NBAS: variants seen among roughly 807,000 people sequenced by gnomAD.
NBAS encodes the protein NAG/BC035112 fusion.
In NBAS, 219 loss-of-function variants were observed where a neutral mutation model predicts 302.5. The observed-to-expected ratio is 0.72, with a 90% CI of 0.65 to 0.81. The LOEUF is 0.81. Ranked by LOEUF, NBAS falls within the 30% of genes least tolerant of loss-of-function variation. The pLI is 0.00. For synonymous variants in NBAS, 1,118 were observed against 1,021.6 expected (o/e 1.09, Z -1.80); for missense variants, 2,932 against 2,841.6 (o/e 1.03, Z -0.72).
chr2:15,553,129 A>G (rs537502926), intron 5 of NBAS, among the ~76,000 whole-genome samples: 12 of 152,288 alleles, frequency 7.9e-5, no homozygotes, highest in African/African-American at 2.9e-4. Context: ...ATAGCAGTAA[A>G]TAGTCACACA....
the NBAS span, among the ~76,000 whole-genome samples, chr2:14,800,912 A>T: frequency 6.6e-6 from 1 of 150,880 alleles, no homozygotes; most frequent in African/African-American, 2.4e-5. Flanking sequence ...ATTACCTTTA[A>T]TATTTCTCAT....
the NBAS span, among the ~76,000 whole-genome samples, chr2:14,947,092 C>T: frequency 2.6e-5 from 4 of 152,162 alleles, no homozygotes; most frequent in South Asian, 8.3e-4. Flanking sequence ...AACAGCCTAA[C>T]AGTACACCTC....
chr2:15,007,418 T>A, the NBAS span, among the ~76,000 whole-genome samples: 1 of 152,238 alleles, frequency 6.6e-6, no homozygotes, highest in Admixed American at 6.5e-5. Flanking sequence ...TTCAAGCATA[T>A]CTTAGAATTT....
At chr2:15,544,959 C>T (rs1664031967) in intron 6 of NBAS, among the ~76,000 whole-genome samples, 1 of 151,652 alleles carries the variant, frequency 6.6e-6, no homozygotes, top group Admixed American at 6.6e-5. Context: ...CGCAGTGAGC[C>T]AAGATCGTGT....
chr2:15,329,766 T>C (rs978921456), intron 36 of NBAS, among the ~76,000 whole-genome samples: 2 of 152,162 alleles, frequency 1.3e-5, no homozygotes, highest in Non-Finnish European at 1.5e-5. Context: ...TTGTTCTCCT[T>C]GGTTCAATCA....
chr2:15,394,981 G>A (rs1209163136), intron 27 of NBAS, among the ~76,000 whole-genome samples: 1 of 151,990 alleles, frequency 6.6e-6, no homozygotes, highest in Non-Finnish European at 1.5e-5. Flanking sequence ...ATCGAATCCA[G>A]TAACTCTTCA....
At position 15,223,091 on chromosome 2, in the gene NBAS, T is replaced by C. The variant is rs369360554; in HGVS notation, c.6237-4123A>G. On this transcript the variant is annotated intron_variant, in intron 47 of 51. Transcript: ENST00000281513. ...GGTGCTCAAGAAAACGACACAGAAA[T>C]GAAAGGCAGCTCTTTAGAAAAAGCT... 5.3e-5 allele frequency among the ~76,000 whole-genome samples: 8 copies of C among 152,228 alleles called. No homozygotes were observed. In the South Asian group the frequency reaches 1.2e-3, roughly 24 times the overall value.
the NBAS span, among the ~76,000 whole-genome samples, chr2:14,857,414 A>G: frequency 6.6e-6 from 1 of 152,158 alleles, no homozygotes; most frequent in Non-Finnish European, 1.5e-5. Context: ...ATATTACTTG[A>G]CTTTAAATTA....
chr2:15,022,079 T>C, the NBAS span, among the ~76,000 whole-genome samples: 1 of 152,266 alleles, frequency 6.6e-6, no homozygotes, highest in Non-Finnish European at 1.5e-5. Flanking sequence ...TGAGCCACCA[T>C]GCAGTGGCCT....
At chr2:15,019,555 AGGGACCCTGT>A in the NBAS span, among the ~76,000 whole-genome samples, 1 of 152,158 alleles carries the variant, frequency 6.6e-6, no homozygotes, top group African/African-American at 2.4e-5. Context: ...ATGTGGTCTG[AGGGACCCTGT>A]GTCAGGCAAA....
chr2:14,895,682 G>T, the NBAS span, among the ~76,000 whole-genome samples: 6 of 150,998 alleles, frequency 4.0e-5, no homozygotes, highest in Admixed American at 4.0e-4. Flanking sequence ...GGAGCTTGCA[G>T]TGAGCTGAGA....
At chr2:15,199,859 C>CT (rs1306377987) in intron 48 of NBAS, among the ~76,000 whole-genome samples, 1 of 150,514 alleles carries the variant, frequency 6.6e-6, no homozygotes, top group Non-Finnish European at 1.5e-5. Flanking sequence ...ACATTATCAA[C>CT]CACATAATGT....
In NBAS at chr2:15,379,563, T is replaced by A. The variant is rs114655023; in HGVS notation, c.3590+39A>T. 1,464 of 1,578,870 alleles carry A rather than the reference T, an allele frequency of 9.3e-4. 13 individuals are homozygous for A. The African/African-American group carries it at 0.013, about 14-fold the overall frequency. ...CAATGCAGTTTGTACATTCTGACTT[T>A]CCCCCTCCATCTTAGGGAAGAATAT... On this transcript the variant is annotated intron_variant, in intron 30 of 51. Transcript: ENST00000281513.
chr2:15,456,460 T>G (rs76742693), intron 21 of NBAS, among the ~76,000 whole-genome samples: 2,031 of 152,328 alleles, frequency 0.013, 35 homozygotes, highest in East Asian at 0.06. Flanking sequence ...CCTAAGTCAC[T>G]CATTCTTTCA....
At chr2:14,783,477 C>CTCCCCCT in the NBAS span, among the ~76,000 whole-genome samples, 1 of 124,442 alleles carries the variant, frequency 8.0e-6, no homozygotes, top group Non-Finnish European at 1.7e-5. Flanking sequence ...CCCCTCCCCC[C>CTCCCCCT]ACCCCGCAAC....
At chr2:15,194,819 C>T (rs1003618162) in intron 48 of NBAS, among the ~76,000 whole-genome samples, 3 of 152,110 alleles carry the variant, frequency 2.0e-5, no homozygotes, top group Non-Finnish European at 1.5e-5. Context: ...ATATCCACTC[C>T]TACCACTCTT....
At chr2:15,443,170 T>C (rs1015827031) in intron 21 of NBAS, among the ~76,000 whole-genome samples, 3 of 152,134 alleles carry the variant, frequency 2.0e-5, no homozygotes, top group African/African-American at 7.2e-5. Flanking sequence ...AGCATCATCC[T>C]GATAGCAAAG....
chr2:15,121,348 G>A, the NBAS span, among the ~76,000 whole-genome samples: 1 of 152,174 alleles, frequency 6.6e-6, no homozygotes, highest in Non-Finnish European at 1.5e-5. Flanking sequence ...TGGGACTTCA[G>A]GGAACAACCC....
chr2:15,189,436 T>C (rs1225077188), intron 49 of NBAS, among the ~76,000 whole-genome samples: 2 of 152,192 alleles, frequency 1.3e-5, no homozygotes, highest in East Asian at 3.9e-4. Context: ...AGATGTTCAC[T>C]GGCCTGTGGG....
Sources: gnomAD v4.1 joint callset for allele counts (sites outside exome capture counted in the v4.1 genomes callset) on GRCh38, gnomAD v4.1.1 for gene constraint, MANE v1.5 for transcripts, NCBI Gene and HGNC (gene_info 2026-07-23, HGNC 2026-07-21) for gene names.